The following COL4A3 variants were observed in gnomAD, a reference collection of about 807,000 sequenced individuals.
COL4A3 encodes collagen alpha-3(IV) chain.
A neutral mutation model predicts 217.4 loss-of-function variants in COL4A3; 135 were observed. That is an observed-to-expected ratio of 0.62 (90% CI 0.54 to 0.72). COL4A3 has a LOEUF of 0.72. Among genes scored for constraint, COL4A3 ranks in the 30% least tolerant of loss-of-function variants. COL4A3 has a pLI of 0.00. For synonymous variants in COL4A3, 690 were observed against 736.3 expected, an observed-to-expected ratio of 0.94 and a Z score of 1.02; for missense variants, 1,868 against 2,119.9, an observed-to-expected ratio of 0.88 and a Z score of 2.33.
chr2:227,168,961 A>C (rs894015315), intron 1 of COL4A3, among the ~76,000 whole-genome samples: 1 of 151,312 alleles, frequency 6.6e-6, no homozygotes, highest in Non-Finnish European at 1.5e-5. Context: ...ACATATGTAT[A>C]CATGTGCCAT....
At chr2:227,307,365 C>T (rs192993280) in intron 47 of COL4A3, among the ~76,000 whole-genome samples, 6 of 152,280 alleles carry the variant, frequency 3.9e-5, no homozygotes, top group African/African-American at 1.4e-4. Flanking sequence ...ATTTTTCCCC[C>T]ATCACATTGT....
chr2:227,280,465 G>C lies in COL4A3; in HGVS notation c.2249G>C (p.Gly750Ala). Residue 750 changes from glycine (G) to alanine (A), a missense_variant, in exon 30 of 52, where the codon GGA becomes GCA. Coordinates refer to ENST00000396578, the MANE Select transcript of COL4A3 (RefSeq NM_000091.5). ...GGAGAACCAGCAGTAGCCATGCCTG[G>C]AGGACCAGGAACACCAGGTTTTCCA... ...AKGEPAVAMP[G>A]GPGTPGFPGE... 1 of 1,614,130 alleles carries C rather than the reference G, an allele frequency of 6.2e-7. No individual in the cohort carries two copies. The highest frequency in any genetic ancestry group is 8.5e-7 in the Non-Finnish European group (1 of 1,180,014).
At chr2:227,300,177 A>G (rs2073216281) in intron 43 of COL4A3, among the ~76,000 whole-genome samples, 2 of 152,184 alleles carry the variant, frequency 1.3e-5, no homozygotes, top group African/African-American at 4.8e-5. Flanking sequence ...TCAATACCCC[A>G]GTGAGTGGCT....
chr2:227,287,534 T>C (rs572681584), intron 34 of COL4A3, among the ~76,000 whole-genome samples: 68 of 152,198 alleles, frequency 4.5e-4, no homozygotes, highest in African/African-American at 1.6e-3. Context: ...AACACTGAAG[T>C]AAACAAACAG....
At chr2:227,207,494 C>G (rs1005098898) in intron 1 of COL4A3, among the ~76,000 whole-genome samples, 2 of 152,134 alleles carry the variant, frequency 1.3e-5, no homozygotes, top group Non-Finnish European at 2.9e-5. Context: ...ATTAAAGTGA[C>G]TTTTTATTCT....
intron 23 of COL4A3, 108 bp downstream of exon 23, chr2:227,267,196 C>G (rs10933174): frequency 1.3e-6 from 1 of 795,170 alleles, no homozygotes; most frequent in African/African-American, 1.7e-5. Context: ...TTTAGATGAA[C>G]TTGGAGGGAG....
intron 17 of COL4A3, among the ~76,000 whole-genome samples, chr2:227,257,044 T>C (rs2125944738): frequency 6.6e-6 from 1 of 152,292 alleles, no homozygotes. Context: ...TATCTAAACA[T>C]AGAAAATATG....
chr2:227,222,141 T>TAAC (rs2067825977), intron 1 of COL4A3, among the ~76,000 whole-genome samples: 1 of 77,986 alleles, frequency 1.3e-5, no homozygotes, highest in Non-Finnish European at 2.8e-5. Flanking sequence ...ATAATAATAA[T>TAAC]AATAATAATA....
In COL4A3 at chr2:227,297,759, C is replaced by T; in HGVS notation, c.3651C>T (p.Pro1217=). Residue 1217 remains proline (P), a synonymous_variant, in exon 42 of 52, where the codon CCC becomes CCT. Coordinates refer to ENST00000396578, the MANE Select transcript of COL4A3 (RefSeq NM_000091.5). ...GAMGDAGPRG[P]TGIEGFPGPP... is the part of the protein sequence containing the mutation. ...TGGGAGATGCTGGACCTCGAGGACC[C>T]ACAGGCATAGAAGGATTCCCAGGGC... is the stretch of plus-strand genomic sequence containing the variant. 6.3e-7 allele frequency: 1 copy of T among 1,599,480 alleles called. No individual in the cohort carries two copies. The highest frequency in any genetic ancestry group is 8.5e-7 in the Non-Finnish European group (1 of 1,173,420).
chr2:227,291,855 G>T (rs1479061295), intron 37 of COL4A3, among the ~76,000 whole-genome samples: 1 of 152,134 alleles, frequency 6.6e-6, no homozygotes, highest in African/African-American at 2.4e-5. Flanking sequence ...AATAGGGCTT[G>T]GCTGCTTTCT....
chr2:227,283,207 T>C (rs2072092747), intron 32 of COL4A3, among the ~76,000 whole-genome samples: 1 of 152,212 alleles, frequency 6.6e-6, no homozygotes, highest in African/African-American at 2.4e-5. Context: ...ATTGTTTATA[T>C]GTTTGGGGAG....
chr2:227,282,175 C>T lies in COL4A3; in HGVS notation c.2489-190C>T, dbSNP rs771202825. Reference sequence around the variant, plus strand: ...TAGTCCCAGCTATTTGGGAGGCTGACGCAGGAGAATCACTTGAACCAGGGA... The same window carrying T: ...TAGTCCCAGCTATTTGGGAGGCTGATGCAGGAGAATCACTTGAACCAGGGA... On this transcript the variant is annotated intron_variant, in intron 31 of 51. Coordinates refer to ENST00000396578, the MANE Select transcript of COL4A3 (RefSeq NM_000091.5). The surrounding 1 kb of genome is among the most constrained non-coding windows in gnomAD (Gnocchi z 4.4). 4.6e-5 allele frequency among the ~76,000 whole-genome samples: 7 copies of T among 151,540 alleles called. No individual in the cohort carries two copies. The highest frequency in any genetic ancestry group is 6.6e-5 in the Admixed American group (1 of 15,204).
At position 227,246,753 on chromosome 2, in the gene COL4A3, C is replaced by CT; in HGVS notation, c.441+16dup. The CT allele has an allele frequency of 6.2e-7, 1 of 1,603,814 alleles. No individual in the cohort carries two copies. The highest frequency in any genetic ancestry group is 8.5e-7 in the Non-Finnish European group (1 of 1,170,656). On this transcript the variant is annotated intron_variant, in intron 7 of 51. Transcript: ENST00000396578. The stretch of plus-strand genomic sequence containing the variant: ...CAGGGATCCCGGTAGGTTTGCATGC[C>CT]TAATTCCCCAACAAAGACATAAAGT...
At chr2:227,200,517 G>T (rs6711851) in intron 1 of COL4A3, among the ~76,000 whole-genome samples, 21,826 of 152,204 alleles carry the variant, frequency 0.14, 1,700 homozygotes, top group Non-Finnish European at 0.17. Context: ...GCATATAGAT[G>T]TAATAGTTGC....
intron 5 of COL4A3, 97 bp downstream of exon 5, chr2:227,245,092 C>T (rs2069250492): frequency 8.6e-6 from 10 of 1,168,988 alleles, no homozygotes; most frequent in Non-Finnish European, 9.0e-6. Context: ...TGTTCTGATG[C>T]ATTTGTTACA....
chr2:227,188,712 T>G (rs2066124003), intron 1 of COL4A3, among the ~76,000 whole-genome samples: 1 of 152,206 alleles, frequency 6.6e-6, no homozygotes, highest in Non-Finnish European at 1.5e-5. Context: ...TTCACTGACA[T>G]GTATATGGTA....
chr2:227,207,398 T>C (rs10182293), intron 1 of COL4A3, among the ~76,000 whole-genome samples: 38,567 of 152,058 alleles, frequency 0.25, 5,238 homozygotes, highest in Non-Finnish European at 0.29. Flanking sequence ...TTCCCTACAT[T>C]CTCCCTCCTC....
At position 227,292,230 on chromosome 2, in the gene COL4A3, T is replaced by C. The variant is rs1476078400; in HGVS notation, c.3211-961T>C. ...TTCCACCAGCTATAGTCTCCAGTAG[T>C]AACTGCTAAAACAAGAAAAAAATTT... On this transcript the variant is annotated intron_variant, in intron 37 of 51. Transcript: ENST00000396578. Among the ~76,000 whole-genome samples, 3 of 152,144 alleles carry C rather than the reference T, an allele frequency of 2.0e-5. No individual in the cohort carries two copies. The South Asian group carries it at 6.2e-4, about 32-fold the overall frequency.
At chr2:227,303,769 G>A (rs1450111839) in intron 44 of COL4A3, 90 bp from the exon 45 acceptor site, 1 of 1,237,228 alleles carries the variant, frequency 8.1e-7, no homozygotes, top group East Asian at 2.3e-5. Context: ...CACACTTCTA[G>A]TATTTGTCCT....
Sources: gnomAD v4.1 joint callset for allele counts (sites outside exome capture counted in the v4.1 genomes callset) on GRCh38, gnomAD v4.1.1 for gene constraint, Gnocchi (gnomAD v3.1) non-coding constraint, MANE v1.5 for transcripts, NCBI Gene and HGNC (gene_info 2026-07-23, HGNC 2026-07-21) for gene names.